Variants in CADPS2 observed in about 807,000 individuals in gnomAD.
CADPS2 encodes calcium dependent secretion activator 2, also known as calcium-dependent secretion activator 2.
Under a neutral mutation model 172.5 loss-of-function variants are expected in CADPS2, and 93 were observed. That is an observed-to-expected ratio of 0.54 (90% CI 0.46 to 0.64). The LOEUF is 0.64. Among genes scored for constraint, CADPS2 ranks in the 30% least tolerant of loss-of-function variants. The probability of loss-of-function intolerance (pLI) is 0.00; values close to 1 mark genes in which losing one functional copy is unlikely to be tolerated. For missense variants in CADPS2, 1,420 were observed against 1,565.9 expected, an observed-to-expected ratio of 0.91 and a Z score of 1.57; for synonymous variants, 546 against 555.2, an observed-to-expected ratio of 0.98 and a Z score of 0.23.
At chr7:122,613,810 T>C (rs1188205408) in intron 6 of CADPS2, among the ~76,000 whole-genome samples, 2 of 152,118 alleles carry the variant, frequency 1.3e-5, no homozygotes, top group African/African-American at 4.8e-5. Flanking sequence ...GTTTAGTCGA[T>C]TGAATTAATA....
intron 5 of CADPS2, among the ~76,000 whole-genome samples, chr7:122,617,148 T>G (rs77318989): frequency 3.6e-4 from 55 of 152,322 alleles, no homozygotes; most frequent in African/African-American, 1.2e-3. Flanking sequence ...TAAGCTACTG[T>G]AAACATGACC....
intron 1 of CADPS2, among the ~76,000 whole-genome samples, chr7:122,867,478 T>C (rs1585035109): frequency 1.3e-5 from 2 of 152,178 alleles, no homozygotes; most frequent in South Asian, 2.1e-4. Context: ...ACTCCCAGCT[T>C]ATTCTTGAAG....
Position 122,416,182 on chromosome 7 carries a change from A to G in CADPS2, c.2477-18T>C. On this transcript the variant is annotated intron_variant, in intron 17 of 29. Transcript: ENST00000449022. Reference sequence around the variant, plus strand: ...CATGGTCTCTATATGAAAAAAAATCATAATCATGTTACCTTGAAAATAAAA... The same window carrying G: ...CATGGTCTCTATATGAAAAAAAATCGTAATCATGTTACCTTGAAAATAAAA... The G allele has an allele frequency of 7.0e-7, 1 of 1,424,786 alleles. No individual in the cohort carries two copies. The highest frequency in any genetic ancestry group is 9.6e-7 in the Non-Finnish European group (1 of 1,043,656). 88.3% of individuals were successfully genotyped at this position (1,424,786 alleles called of 1,614,324 possible). A position where few individuals can be genotyped will look rare whatever the true frequency, so the allele number is the denominator to read the frequency against.
At chr7:122,830,101 C>T (rs1449027484) in intron 1 of CADPS2, among the ~76,000 whole-genome samples, 2 of 151,990 alleles carry the variant, frequency 1.3e-5, no homozygotes, top group African/African-American at 4.8e-5. Flanking sequence ...GGTTAACTGG[C>T]TTGCCCAAGG....
intron 1 of CADPS2, among the ~76,000 whole-genome samples, chr7:122,761,224 C>T (rs528436252): frequency 1.3e-5 from 2 of 152,200 alleles, no homozygotes; most frequent in East Asian, 1.9e-4. Flanking sequence ...GGATGCAATA[C>T]TGAAAAGGAA....
intron 6 of CADPS2, among the ~76,000 whole-genome samples, chr7:122,606,430 T>G (rs2073553737): frequency 1.3e-5 from 2 of 152,110 alleles, no homozygotes; most frequent in African/African-American, 4.8e-5. Context: ...GCCTCATAGT[T>G]TGAAAAACAT....
rs1403973411 is a variant in CADPS2 at position 122,752,928 on chromosome 7, A to T, written c.340-15860T>A. Among the ~76,000 whole-genome samples the T allele has an allele frequency of 2.6e-5, 4 of 152,180 alleles. No individual in the cohort carries two copies. The East Asian group carries it at 7.7e-4, about 29-fold the overall frequency. On this transcript the variant is annotated intron_variant, in intron 1 of 29. Transcript: ENST00000449022. ...CAAGAGAGGGCAGCCAAATGGTTGT[A>T]GAAAGGAAGGAAACAAGAAGAAGAT...
chr7:122,655,698 T>C (rs1315061453), intron 3 of CADPS2, among the ~76,000 whole-genome samples: 1 of 152,098 alleles, frequency 6.6e-6, no homozygotes, highest in East Asian at 1.9e-4. Context: ...TATGCTTGCA[T>C]AGCATTCAGG....
At chr7:122,527,617 A>AGAGTGTGTGTGT in intron 8 of CADPS2, among the ~76,000 whole-genome samples, 13 of 83,876 alleles carry the variant, frequency 1.5e-4, no homozygotes, top group Non-Finnish European at 2.6e-4. Context: ...AGAGAGAGAG[A>AGAGTGTGTGTGT]GTGTGTGTGT....
chr7:122,785,697 G>A (rs1279411086), intron 1 of CADPS2, among the ~76,000 whole-genome samples: 2 of 152,038 alleles, frequency 1.3e-5, no homozygotes, highest in Non-Finnish European at 2.9e-5. Context: ...TGGGGGTTAG[G>A]GAGACTCTCA....
At chr7:122,655,994 G>A (rs1465427516) in intron 3 of CADPS2, among the ~76,000 whole-genome samples, 1 of 152,150 alleles carries the variant, frequency 6.6e-6, no homozygotes, top group Non-Finnish European at 1.5e-5. Context: ...TCAGAGAACT[G>A]AGTGTGCAGG....
intron 7 of CADPS2, among the ~76,000 whole-genome samples, chr7:122,580,262 C>T (rs530599366): frequency 6.6e-6 from 1 of 152,002 alleles, no homozygotes; most frequent in South Asian, 2.1e-4. Context: ...CAAGACAAGC[C>T]TGGCCAAGAT....
chr7:122,499,256 T>C (rs182449431), intron 9 of CADPS2, among the ~76,000 whole-genome samples: 39 of 152,304 alleles, frequency 2.6e-4, no homozygotes, highest in Non-Finnish European at 2.5e-4. Flanking sequence ...AAGATCTCTG[T>C]TCCAAATACC....
At chr7:122,341,873 A>C (rs1251785291) in intron 28 of CADPS2, among the ~76,000 whole-genome samples, 5 of 152,158 alleles carry the variant, frequency 3.3e-5, no homozygotes, top group Non-Finnish European at 5.9e-5. Context: ...TAGGTTGAAA[A>C]GATGAAGGAT....
At position 122,721,540 on chromosome 7, in the gene CADPS2, A is replaced by AT. The variant is rs1194655644; in HGVS notation, c.453+15414dup. 2.6e-5 allele frequency among the ~76,000 whole-genome samples: 4 copies of AT among 152,122 alleles called. No homozygotes were observed. The East Asian group carries it at 7.7e-4, about 29-fold the overall frequency. ...AATAACAGGCTCTGAAATTGAGGCAATAATTAATAGCCTACCAACCAAAAA... is the reference window on the plus strand; with the variant it reads ...AATAACAGGCTCTGAAATTGAGGCAATTAATTAATAGCCTACCAACCAAAAA... On this transcript the variant is annotated intron_variant, in intron 2 of 29. Transcript: ENST00000449022.
At chr7:122,820,530 C>G (rs1198980237) in intron 1 of CADPS2, among the ~76,000 whole-genome samples, 4 of 140,390 alleles carry the variant, frequency 2.8e-5, no homozygotes, top group Admixed American at 2.2e-4. Context: ...GTCCAAACAA[C>G]TTGACCTTAC....
At chr7:122,556,340 T>C (rs990556269) in intron 7 of CADPS2, among the ~76,000 whole-genome samples, 1 of 152,142 alleles carries the variant, frequency 6.6e-6, no homozygotes, top group Admixed American at 6.6e-5. Context: ...TCTGTAGCTA[T>C]AGCTGCTATT....
At chr7:122,437,288 T>C (rs2050751787) in intron 17 of CADPS2, among the ~76,000 whole-genome samples, 1 of 152,142 alleles carries the variant, frequency 6.6e-6, no homozygotes, top group African/African-American at 2.4e-5. Flanking sequence ...ATGTTGGTTG[T>C]TATGGTGATG....
intron 1 of CADPS2, among the ~76,000 whole-genome samples, chr7:122,870,991 T>C (rs999519418): frequency 6.6e-6 from 1 of 152,044 alleles, no homozygotes; most frequent in African/African-American, 2.4e-5. Flanking sequence ...GAAATTATTT[T>C]ATGTATCTTC....
Sources: gnomAD v4.1 joint callset for allele counts (sites outside exome capture counted in the v4.1 genomes callset) on GRCh38, gnomAD v4.1.1 for gene constraint, MANE v1.5 for transcripts, NCBI Gene and HGNC (gene_info 2026-07-23, HGNC 2026-07-21) for gene names.